FAM110B: variants seen among roughly 807,000 people sequenced by gnomAD.
The protein encoded by FAM110B is protein FAM110B.
In FAM110B, 6 loss-of-function variants were observed where a neutral mutation model predicts 20.4. The ratio of observed to expected loss-of-function variants is 0.29; its 90% CI spans 0.16 to 0.58. The LOEUF (loss-of-function observed/expected upper bound fraction) is 0.58, where lower values mean the gene tolerates loss of function less well. Ranked by LOEUF, FAM110B falls within the 20% of genes least tolerant of loss-of-function variation. The pLI, the probability that FAM110B is intolerant of heterozygous loss-of-function variation, is 0.90. For missense variants in FAM110B, 434 were observed against 498.2 expected (o/e 0.87, Z 1.23); for synonymous variants, 226 against 214.1 (o/e 1.06, Z -0.49).
intron 3 of FAM110B, among the ~76,000 whole-genome samples, chr8:58,092,888 C>A (rs1806517426): frequency 6.6e-6 from 1 of 152,174 alleles, no homozygotes; most frequent in African/African-American, 2.4e-5. Context: ...TCCTATTTCT[C>A]CACATCCTCT....
At chr8:58,018,770 G>C (rs1804685470) in intron 1 of FAM110B, among the ~76,000 whole-genome samples, 1 of 151,386 alleles carries the variant, frequency 6.6e-6, no homozygotes, top group Non-Finnish European at 1.5e-5. Flanking sequence ...TTTTAGCCAA[G>C]GTTTGGTTTT....
At chr8:58,029,152 G>A (rs531547178) in intron 1 of FAM110B, among the ~76,000 whole-genome samples, 1 of 152,210 alleles carries the variant, frequency 6.6e-6, no homozygotes, top group Non-Finnish European at 1.5e-5. Context: ...TACGAATTCA[G>A]TCTGAACTGA....
chr8:58,146,213 G>A lies in FAM110B; in HGVS notation c.-18G>A, dbSNP rs371192216. On this transcript the variant is annotated 5_prime_UTR_variant, in exon 4 of 4. Coordinates refer to ENST00000519262, the MANE Select transcript of FAM110B (RefSeq NM_001377989.1). ...CAGAAGAGCATCCAACACGGCTGCCGGGGAAAGACCGCCCACCATGCCCAC... is the reference window on the plus strand; with the variant it reads ...CAGAAGAGCATCCAACACGGCTGCCAGGGAAAGACCGCCCACCATGCCCAC... 1.3e-6 allele frequency: 2 copies of A among 1,575,206 alleles called. No homozygotes were observed. Among genetic ancestry groups the A allele is most frequent in the East Asian group, 2.3e-5 (1 of 44,364 alleles).
chr8:57,997,974 G>T (rs1447311462), intron 1 of FAM110B, among the ~76,000 whole-genome samples: 1 of 152,166 alleles, frequency 6.6e-6, no homozygotes, highest in Non-Finnish European at 1.5e-5. Context: ...CAGACCCCAT[G>T]AATCTTTCTG....
At chr8:58,075,167 A>G (rs1267954863) in intron 2 of FAM110B, among the ~76,000 whole-genome samples, 1 of 151,210 alleles carries the variant, frequency 6.6e-6, no homozygotes, top group African/African-American at 2.4e-5. Context: ...GTGCAGTGAC[A>G]TGATCTCAGC....
chr8:58,075,102 A>G (rs1355330346), intron 2 of FAM110B, among the ~76,000 whole-genome samples: 3 of 151,306 alleles, frequency 2.0e-5, no homozygotes, highest in Non-Finnish European at 4.4e-5. Context: ...TATATTGATC[A>G]GTTTCTATTT....
At chr8:58,117,168 C>A (rs1221411636) in intron 3 of FAM110B, among the ~76,000 whole-genome samples, 1 of 152,170 alleles carries the variant, frequency 6.6e-6, no homozygotes, top group Non-Finnish European at 1.5e-5. Context: ...ATTAGGGAAT[C>A]TCAGTGAGGT....
At position 58,131,433 on chromosome 8, in the gene FAM110B, G is replaced by C. The variant is rs73682162; in HGVS notation, c.-324-14474G>C. ...GCCACTGCTCCCAGCCCATGCTACTGTTTTTACCATTGAAAAATAAATATC... is the reference window on the plus strand; with the variant it reads ...GCCACTGCTCCCAGCCCATGCTACTCTTTTTACCATTGAAAAATAAATATC... On this transcript the variant is annotated intron_variant, in intron 3 of 3. Coordinates refer to ENST00000519262, the MANE Select transcript of FAM110B (RefSeq NM_001377989.1). Among the ~76,000 whole-genome samples the C allele has an allele frequency of 3.8e-3, 576 of 152,146 alleles. 7 individuals are homozygous for C. The highest frequency in any genetic ancestry group is 0.013 in the African/African-American group (550 of 41,528).
intron 2 of FAM110B, among the ~76,000 whole-genome samples, chr8:58,075,275 T>TGTGTGTGTGTGTGTGTGTGTG (rs1554521069): frequency 4.2e-5 from 6 of 141,740 alleles, no homozygotes; most frequent in African/African-American, 1.7e-4. Context: ...TTTTTTTTTT[T>TGTGTGTGTGTGTGTGTGTGTG]TGTGTGTGTG....
At chr8:58,064,493 A>C (rs1805722755) in intron 2 of FAM110B, among the ~76,000 whole-genome samples, 1 of 152,164 alleles carries the variant, frequency 6.6e-6, no homozygotes, top group Admixed American at 6.5e-5. Context: ...ACAAATTCTT[A>C]ACAGTATAAC....
At chr8:58,012,917 T>C (rs1410425163) in intron 1 of FAM110B, among the ~76,000 whole-genome samples, 2 of 152,110 alleles carry the variant, frequency 1.3e-5, no homozygotes, top group African/African-American at 4.8e-5. Flanking sequence ...TGAGGTCTTA[T>C]CCCACCTGAG....
At chr8:58,081,554 C>T (rs966781461) in intron 3 of FAM110B, among the ~76,000 whole-genome samples, 3 of 152,166 alleles carry the variant, frequency 2.0e-5, no homozygotes, top group African/African-American at 2.4e-5. Context: ...TGCTCTGAAA[C>T]GTTGTTTCTC....
At chr8:58,032,932 T>G (rs2150573516) in intron 2 of FAM110B, among the ~76,000 whole-genome samples, 1 of 152,278 alleles carries the variant, frequency 6.6e-6, no homozygotes, top group South Asian at 2.1e-4. Flanking sequence ...TATTTTAAAT[T>G]CAGGAGGTGC....
intron 3 of FAM110B, among the ~76,000 whole-genome samples, chr8:58,101,458 T>C (rs1218218050): frequency 6.6e-6 from 1 of 152,264 alleles, no homozygotes; most frequent in Non-Finnish European, 1.5e-5. Context: ...TTTAAACTTA[T>C]GCCAGCAGTT....
intron 1 of FAM110B, among the ~76,000 whole-genome samples, chr8:57,996,327 T>A (rs1804185005): frequency 6.6e-6 from 1 of 152,236 alleles, no homozygotes; most frequent in African/African-American, 2.4e-5. Context: ...CAGCTAATAT[T>A]ACTTTTAATT....
intron 3 of FAM110B, among the ~76,000 whole-genome samples, chr8:58,131,978 AT>A (rs977376984): frequency 1.3e-5 from 2 of 152,138 alleles, no homozygotes; most frequent in African/African-American, 4.8e-5. Flanking sequence ...GGATAAGCTG[AT>A]TTTTATCTAA....
chr8:58,086,608 A>G (rs1439713239), intron 3 of FAM110B, among the ~76,000 whole-genome samples: 1 of 152,216 alleles, frequency 6.6e-6, no homozygotes, highest in Non-Finnish European at 1.5e-5. Context: ...TTACGCATAA[A>G]TAGGACCACT....
At chr8:58,067,654 C>G (rs1243669845) in intron 2 of FAM110B, among the ~76,000 whole-genome samples, 2 of 152,340 alleles carry the variant, frequency 1.3e-5, no homozygotes, top group Middle Eastern at 3.4e-3. Flanking sequence ...TTGTTAATCA[C>G]TTAATGAGCA....
At chr8:58,021,254 T>G (rs1028390604) in intron 1 of FAM110B, among the ~76,000 whole-genome samples, 1 of 152,176 alleles carries the variant, frequency 6.6e-6, no homozygotes, top group Non-Finnish European at 1.5e-5. Flanking sequence ...TAATTTTTCT[T>G]TTATCCAACT....
Sources: allele counts gnomAD v4.1 joint callset (sites outside exome capture counted in the v4.1 genomes callset), GRCh38; gene constraint gnomAD v4.1.1; transcripts MANE v1.5; gene names NCBI Gene and HGNC (gene_info 2026-07-23, HGNC 2026-07-21).